PPARGC1A: variants seen among roughly 807,000 people sequenced by gnomAD.
PPARGC1A encodes PPARG coactivator 1 alpha.
Under a neutral mutation model 88.7 loss-of-function variants are expected in PPARGC1A, and 25 were observed. The observed-to-expected ratio is 0.28, with a 90% CI of 0.21 to 0.39. The LOEUF (loss-of-function observed/expected upper bound fraction) is 0.39. Among genes scored for constraint, PPARGC1A ranks in the 10% least tolerant of loss-of-function variants. The pLI is 1.00. For missense variants in PPARGC1A, 880 were observed against 968.7 expected (o/e 0.91, Z 1.22); for synonymous variants, 363 against 355.6 (o/e 1.02, Z -0.24).
At chr4:24,049,071 A>T in the PPARGC1A span, among the ~76,000 whole-genome samples, 1 of 149,478 alleles carries the variant, frequency 6.7e-6, no homozygotes, top group Non-Finnish European at 1.5e-5. Flanking sequence ...CCCAAGAAAA[A>T]CTCTGGTATT....
chr4:24,070,305 C>T, the PPARGC1A span, among the ~76,000 whole-genome samples: 6 of 152,286 alleles, frequency 3.9e-5, no homozygotes, highest in East Asian at 1.9e-4. Flanking sequence ...CTGCATGACA[C>T]ACTATATCAG....
chr4:23,828,085 T>A (rs1724319196), intron 5 of PPARGC1A, among the ~76,000 whole-genome samples: 1 of 152,166 alleles, frequency 6.6e-6, no homozygotes, highest in Non-Finnish European at 1.5e-5. Flanking sequence ...CCCAGCTTGT[T>A]CATAACCTCA....
In PPARGC1A at chr4:23,812,797, G is replaced by T. The variant is rs762414603; in HGVS notation, c.1969C>A (p.Arg657=). ...REEYRREYEK[R]ESERAKQRER... ...CTTTGCTTGGCCCTCTCAGACTCTC[G>T]CTTCTCATACTCTCTGCGATATTCT... The change falls in exon 10 of 13, where the codon CGA becomes AGA. Residue 657 remains arginine (R), a synonymous_variant. Transcript: ENST00000264867. 1 of 1,613,804 alleles carries T rather than the reference G, an allele frequency of 6.2e-7. No homozygotes were observed. Among genetic ancestry groups the T allele is most frequent in the Non-Finnish European group, 8.5e-7 (1 of 1,179,938 alleles).
At chr4:24,079,933 T>G in the PPARGC1A span, among the ~76,000 whole-genome samples, 2 of 152,060 alleles carry the variant, frequency 1.3e-5, no homozygotes, top group Non-Finnish European at 2.9e-5. Context: ...AATATCCTGT[T>G]TTAATTACCA....
the PPARGC1A span, among the ~76,000 whole-genome samples, chr4:23,996,803 G>A: frequency 6.6e-6 from 1 of 152,172 alleles, no homozygotes; most frequent in African/African-American, 2.4e-5. Flanking sequence ...AAATGAATAT[G>A]CATGACTTTA....
the PPARGC1A span, among the ~76,000 whole-genome samples, chr4:24,182,950 C>G: frequency 6.6e-6 from 1 of 152,180 alleles, no homozygotes; most frequent in Non-Finnish European, 1.5e-5. Context: ...AGTACCTTTG[C>G]CCACAATAAG....
the PPARGC1A span, among the ~76,000 whole-genome samples, chr4:24,463,726 C>T: frequency 6.6e-6 from 1 of 151,972 alleles, no homozygotes; most frequent in African/African-American, 2.4e-5. Context: ...GCAAGACTTC[C>T]AAATAAATAT....
chr4:23,926,612 T>G, the PPARGC1A span, among the ~76,000 whole-genome samples: 1 of 152,222 alleles, frequency 6.6e-6, no homozygotes, highest in Non-Finnish European at 1.5e-5. Flanking sequence ...CCCTCCCTGC[T>G]TCCTACTTCC....
intron 7 of PPARGC1A, among the ~76,000 whole-genome samples, chr4:23,816,678 T>C (rs1722053957): frequency 6.6e-6 from 1 of 152,144 alleles, no homozygotes; most frequent in African/African-American, 2.4e-5. Context: ...TTGGAGGAAA[T>C]GGCATTCAAC....
chr4:24,132,434 C>T, the PPARGC1A span, among the ~76,000 whole-genome samples: 1 of 152,100 alleles, frequency 6.6e-6, no homozygotes, highest in Non-Finnish European at 1.5e-5. Flanking sequence ...ATAGTGTCTC[C>T]CTCTAAGTAG....
At chr4:23,860,113 A>T (rs575712459) in intron 2 of PPARGC1A, among the ~76,000 whole-genome samples, 1 of 152,006 alleles carries the variant, frequency 6.6e-6, no homozygotes, top group African/African-American at 2.4e-5. Flanking sequence ...CTTTACAAAA[A>T]ATTTAAAAAT....
the PPARGC1A span, among the ~76,000 whole-genome samples, chr4:24,318,925 C>T: frequency 6.6e-6 from 1 of 152,124 alleles, no homozygotes; most frequent in Admixed American, 6.5e-5. Context: ...GTGAACCTCA[C>T]CTTCAAGAAT....
chr4:24,440,234 G>A, the PPARGC1A span, among the ~76,000 whole-genome samples: 1 of 152,180 alleles, frequency 6.6e-6, no homozygotes, highest in Non-Finnish European at 1.5e-5. Context: ...AATATCTGCA[G>A]GGCAGGAAAC....
chr4:24,457,527 T>TTTTGTTTGTTTG, the PPARGC1A span, among the ~76,000 whole-genome samples: 1 of 149,938 alleles, frequency 6.7e-6, no homozygotes, highest in Non-Finnish European at 1.5e-5. Flanking sequence ...AGATACTGTT[T>TTTTGTTTGTTTG]TTTGTTTGTT....
the PPARGC1A span, among the ~76,000 whole-genome samples, chr4:24,349,764 C>A: frequency 9.2e-5 from 14 of 152,324 alleles, no homozygotes; most frequent in African/African-American, 3.1e-4. Flanking sequence ...AGTTCTTCCC[C>A]GTCCTGTGAA....
At chr4:23,931,664 T>C in the PPARGC1A span, among the ~76,000 whole-genome samples, 1 of 152,156 alleles carries the variant, frequency 6.6e-6, no homozygotes, top group Non-Finnish European at 1.5e-5. Context: ...CATACTTACC[T>C]AACACCTCTC....
the PPARGC1A span, among the ~76,000 whole-genome samples, chr4:24,001,029 TA>T: frequency 1.3e-5 from 2 of 152,220 alleles, no homozygotes; most frequent in African/African-American, 4.8e-5. Context: ...ATACTGCTCT[TA>T]TTACACTTTC....
the PPARGC1A span, among the ~76,000 whole-genome samples, chr4:24,424,258 CT>C: frequency 1.6e-3 from 72 of 44,322 alleles, no homozygotes; most frequent in Admixed American, 7.4e-3. Context: ...TATACACACA[CT>C]TTTTTTTTTT....
At chr4:24,000,193 T>C in the PPARGC1A span, among the ~76,000 whole-genome samples, 2 of 152,180 alleles carry the variant, frequency 1.3e-5, no homozygotes, top group African/African-American at 4.8e-5. Flanking sequence ...ACGAAATTAC[T>C]TCATAACAGA....
Sources: allele counts gnomAD v4.1 joint callset (sites outside exome capture counted in the v4.1 genomes callset), GRCh38; gene constraint gnomAD v4.1.1; transcripts MANE v1.5; gene names NCBI Gene and HGNC (gene_info 2026-07-23, HGNC 2026-07-21).